The following SREBF1 variants were observed in gnomAD, a reference collection of about 807,000 sequenced individuals.
SREBF1 encodes the protein sterol regulatory element-binding protein 1.
SREBF1 carries 45 observed loss-of-function variants against 100.1 expected under a neutral mutation model. The ratio of observed to expected loss-of-function variants is 0.45; its 90% CI spans 0.35 to 0.58. The LOEUF (loss-of-function observed/expected upper bound fraction) is 0.58, where lower values mean the gene tolerates loss of function less well. SREBF1 is among the 20% of genes least tolerant of loss of function. SREBF1 has a pLI of 0.00. For synonymous variants in SREBF1, 657 were observed against 681.8 expected (o/e 0.96, Z 0.57); for missense variants, 1,324 against 1,539.4 (o/e 0.86, Z 2.34).
Position 17,817,042 on chromosome 17 carries a change from G to A in SREBF1, c.1701C>T (p.Tyr567=), listed in dbSNP as rs1428950498. 13 of 1,613,164 alleles carry A rather than the reference G, an allele frequency of 8.1e-6. No individual in the cohort carries two copies. Among genetic ancestry groups the A allele is most frequent in the East Asian group, 4.5e-5 (2 of 44,882 alleles). ...AGTGGGGCCGTGTGACTGGCTCACC[G>A]TAGACAAAGAGAAGCACCAAGGAGA... ...VLVSLVLLFV[Y]GEPVTRPHSG... The change falls in exon 9 of 19, where the codon TAC becomes TAT. Residue 567 remains tyrosine, a synonymous_variant. Transcript: ENST00000261646. This position sits in a 1 kb window ranked among gnomAD's most constrained non-coding sequence, Gnocchi z 6.6.
At position 17,820,158 on chromosome 17, in the gene SREBF1, G is replaced by A. The variant is rs1454155783; in HGVS notation, c.455C>T (p.Pro152Leu). 2 of 1,613,368 alleles carry A rather than the reference G, an allele frequency of 1.2e-6. No homozygotes were observed. Among genetic ancestry groups the A allele is most frequent in the Admixed American group, 1.7e-5 (1 of 59,982 alleles). Residue 152 changes from proline (P) to leucine (L), a missense_variant, in exon 2 of 19, where the codon CCA (proline) becomes CTA (leucine). By Grantham distance (98) the Pro-to-Leu change is moderately conservative (BLOSUM62 -3). Transcript: ENST00000261646. ...GGTGGAGCTGAACTGCGGTGGGGCT[G>A]GGGCTGGGAAGCTCTGTGGCAGGAG... ...GALLPQSFPA[P>L]APPQFSSTPV...
At chr17:17,819,485 G>A (rs1800768232) in intron 3 of SREBF1, 31 bp from the exon 4 acceptor site, 1 of 1,613,260 alleles carries the variant, frequency 6.2e-7, no homozygotes, top group Admixed American at 1.7e-5. Flanking sequence ...GCTGTAAGCT[G>A]TGTGTCTGGG....
In SREBF1 at chr17:17,818,357, G is replaced by C; in HGVS notation, c.1086C>G (p.Val362=). The part of the protein sequence containing the change: ...GTEAKLNKSA[V]LRKAIDYIRF... ...GAATGTAGTCGATGGCCTTGCGCAA[G>C]ACAGCAGATTTATTCAGCTGCACGG... is the stretch of plus-strand genomic sequence containing the variant. Residue 362 remains valine, a synonymous_variant, in exon 6 of 19, where the codon GTC becomes GTG. Coordinates refer to ENST00000261646, the MANE Select transcript of SREBF1 (RefSeq NM_004176.5). The C allele has an allele frequency of 6.2e-7, 1 of 1,613,564 alleles. No individual in the cohort carries two copies. The highest frequency in any genetic ancestry group is 8.5e-7 in the Non-Finnish European group (1 of 1,179,960).
In SREBF1 at chr17:17,812,905, G is replaced by A. The variant is rs1248841813; in HGVS notation, c.3215-54C>T. The A allele has an allele frequency of 5.6e-6, 8 of 1,420,216 alleles. No individual in the cohort carries two copies. In the Admixed American group the frequency reaches 8.8e-5, roughly 16 times the overall value. The allele number at this position is 1,420,216 out of a possible 1,614,324, so 88.0% of individuals were successfully genotyped here. A position where few individuals can be genotyped will look rare whatever the true frequency, so the allele number is the denominator to read the frequency against. ...GGTCTCAAGCTGGCCACGCCCCCGCGGGAGCCCTGCCCACACACAAGCCAC... is the reference window on the plus strand; with the variant it reads ...GGTCTCAAGCTGGCCACGCCCCCGCAGGAGCCCTGCCCACACACAAGCCAC... On this transcript the variant is annotated intron_variant, in intron 18 of 18. Transcript: ENST00000261646.
At chr17:17,829,875 A>G (rs1006169810) in intron 1 of SREBF1, among the ~76,000 whole-genome samples, 1 of 152,056 alleles carries the variant, frequency 6.6e-6, no homozygotes, top group Non-Finnish European at 1.5e-5. Context: ...CCCAGACTCA[A>G]GCGATCCCCC....
In SREBF1 at chr17:17,820,157, T is replaced by C. The variant is rs1025073552; in HGVS notation, c.456A>G (p.Pro152=). The change falls in exon 2 of 19, where the codon CCA becomes CCG. Residue 152 remains proline (P), a synonymous_variant. Coordinates refer to ENST00000261646, the MANE Select transcript of SREBF1 (RefSeq NM_004176.5). ...GALLPQSFPA[P]APPQFSSTPV... ...GGGTGGAGCTGAACTGCGGTGGGGC[T>C]GGGGCTGGGAAGCTCTGTGGCAGGA... 5 of 1,613,224 alleles carry C rather than the reference T, an allele frequency of 3.1e-6. No homozygotes were observed. Among genetic ancestry groups the C allele is most frequent in the Non-Finnish European group, 4.2e-6 (5 of 1,179,744 alleles).
At chr17:17,814,106 A>G in intron 16 of SREBF1, 139 bp downstream of exon 16, 1 of 1,000,350 alleles carries the variant, frequency 1.0e-6, no homozygotes, top group South Asian at 1.5e-5. Context: ...GCCAAAAAGC[A>G]GGGTCTGCTG....
chr17:17,819,901 G>T, intron 2 of SREBF1, 176 bp from the exon 3 acceptor site: 1 of 1,179,954 alleles, frequency 8.5e-7, no homozygotes, highest in Non-Finnish European at 1.2e-6. Flanking sequence ...CAGGCCTCCA[G>T]TGCGAGGTTG....
At chr17:17,825,221 C>G (rs1031916191) in intron 1 of SREBF1, among the ~76,000 whole-genome samples, 3 of 152,216 alleles carry the variant, frequency 2.0e-5, no homozygotes, top group Non-Finnish European at 2.9e-5. Context: ...AACAGTCAAG[C>G]CTGTCCCCTC....
rs1187959604 is a variant in SREBF1 at position 17,812,754 on chromosome 17, C to T, written c.3312G>A (p.Ala1104=). ...CCAGCATGCCCACGCGCTGCCCGGG[C>T]GCCGACAGGAAGCCGGGGGGCAGGT... ...SCYLPPGFLS[A]PGQRVGMLAE... Residue 1104 remains alanine (A), a synonymous_variant, in exon 19 of 19, where the codon GCG becomes GCA. Coordinates refer to ENST00000261646, the MANE Select transcript of SREBF1 (RefSeq NM_004176.5). The T allele has an allele frequency of 6.5e-7, 1 of 1,546,622 alleles. No individual in the cohort carries two copies. Among genetic ancestry groups the T allele is most frequent in the Non-Finnish European group, 8.7e-7 (1 of 1,145,888 alleles).
Position 17,819,175 on chromosome 17 carries a change from C to T in SREBF1, c.906G>A (p.Lys302=). The T allele has an allele frequency of 6.2e-7, 1 of 1,614,200 alleles. No homozygotes were observed. Among genetic ancestry groups the T allele is most frequent in the Non-Finnish European group, 8.5e-7 (1 of 1,180,062 alleles). ...ATVPLVVDAE[K]LPINRLAAGS... ...CAGCTGCGAGCCGGTTGATAGGCAG[C>T]TTCTCCGCATCTACGACCAGTGGGA... is the stretch of plus-strand genomic sequence containing the variant. The change falls in exon 5 of 19, where the codon AAG becomes AAA. Residue 302 remains lysine, a synonymous_variant. Transcript: ENST00000261646.
intron 1 of SREBF1, among the ~76,000 whole-genome samples, chr17:17,831,671 C>T (rs1423290125): frequency 1.3e-5 from 2 of 152,124 alleles, no homozygotes; most frequent in African/African-American, 4.8e-5. Flanking sequence ...AACAATAATC[C>T]CCAACACAGG....
rs1490780745 is a variant in SREBF1, at chr17:17,816,308, ACT to A, written c.2111_2112del (p.Glu704ValfsTer124). The A allele has an allele frequency of 6.4e-7, 1 of 1,572,626 alleles. No homozygotes were observed. Among genetic ancestry groups the A allele is most frequent in the Non-Finnish European group, 8.6e-7 (1 of 1,164,610 alleles). On this transcript the variant is annotated frameshift_variant, in exon 11 of 19. Transcript: ENST00000261646. LOFTEE classifies it high-confidence loss of function. ...NLALSALNLA[E>X]CAGDAVSVAT... ...GCCACAGACACGGCATCCCCTGCAC[ACT>A]CTGCCAGGTTCAGGGCACTCAGCGC... is the stretch of plus-strand genomic sequence containing the variant.
intron 11 of SREBF1, 59 bp from the exon 12 acceptor site, chr17:17,816,087 C>T (rs1445913659): frequency 5.2e-5 from 83 of 1,592,744 alleles, no homozygotes; most frequent in Non-Finnish European, 6.7e-5. Flanking sequence ...GACCCCGGGC[C>T]GAGTCCCAGC....
chr17:17,836,467 C>T (rs983731496), intron 1 of SREBF1, among the ~76,000 whole-genome samples: 1 of 152,214 alleles, frequency 6.6e-6, no homozygotes, highest in African/African-American at 2.4e-5. Context: ...TAGAGGCGCA[C>T]GTGTCCCGGC....
At chr17:17,818,214 G>T in intron 6 of SREBF1, 46 bp downstream of exon 6, 1 of 1,542,266 alleles carries the variant, frequency 6.5e-7, no homozygotes, top group Non-Finnish European at 9.0e-7. Flanking sequence ...GGTGGAGCAA[G>T]GCTAGAGAAG....
chr17:17,814,163 G>T, intron 16 of SREBF1, 82 bp downstream of exon 16: 1 of 1,470,296 alleles, frequency 6.8e-7, no homozygotes, highest in Non-Finnish European at 9.2e-7. Flanking sequence ...GTCTTCTGCA[G>T]CCCCTGGGGG....
chr17:17,816,498 G>T lies in SREBF1; in HGVS notation c.2006C>A (p.Ala669Glu). Residue 669 changes from alanine to glutamate, a missense_variant, in exon 10 of 19, where the codon GCA becomes GAA. Transcript: ENST00000261646. ...GTGCAGCTTATGGTAGACCAGGGCT[G>T]CGTCTCGGGCGCTGGCGCTAGCATC... Reference protein sequence around the residue: ...RVDASASARDAALVYHKLHQL... With the variant: ...RVDASASARDEALVYHKLHQL... 6.2e-7 allele frequency: 1 copy of T among 1,603,852 alleles called. No homozygotes were observed. Among genetic ancestry groups the T allele is most frequent in the Non-Finnish European group, 8.5e-7 (1 of 1,176,158 alleles).
rs751162760 is a variant in SREBF1 at position 17,816,512 on chromosome 17, G to A, written c.1992C>T (p.Ala664=). Residue 664 remains alanine (A), a synonymous_variant, in exon 10 of 19, where the codon GCC becomes GCT. Transcript: ENST00000261646. ...AGACCAGGGCTGCGTCTCGGGCGCT[G>A]GCGCTAGCATCCACTCGCAGAGCAC... is the stretch of plus-strand genomic sequence containing the variant. ...QDCALRVDAS[A]SARDAALVYH... 1 of 1,603,460 alleles carries A rather than the reference G, an allele frequency of 6.2e-7. No individual in the cohort carries two copies. Among genetic ancestry groups the A allele is most frequent in the South Asian group, 1.1e-5 (1 of 89,582 alleles).
Sources: gnomAD v4.1 joint callset for allele counts (sites outside exome capture counted in the v4.1 genomes callset) on GRCh38, gnomAD v4.1.1 for gene constraint, Gnocchi (gnomAD v3.1) non-coding constraint, MANE v1.5 for transcripts, NCBI Gene and HGNC (gene_info 2026-07-23, HGNC 2026-07-21) for gene names.